Variants in TMEM209 observed in about 807,000 individuals in gnomAD.
The protein encoded by TMEM209 is testicular tissue protein Li 202.
TMEM209 carries 65 observed loss-of-function variants against 76.2 expected under a neutral mutation model. The observed-to-expected ratio is 0.85, with a 90% confidence interval of 0.70 to 1.05. The LOEUF (loss-of-function observed/expected upper bound fraction) is 1.05, where lower values mean the gene tolerates loss of function less well. Among genes scored for constraint, TMEM209 ranks in the 50% least tolerant of loss-of-function variants. The pLI is 0.00. For missense variants in TMEM209, 623 were observed against 685.5 expected, an observed-to-expected ratio of 0.91 and a Z score of 1.02; for synonymous variants, 239 against 237.6, an observed-to-expected ratio of 1.01 and a Z score of -0.06.
At position 130,192,713 on chromosome 7, in the gene TMEM209, T is replaced by C; in HGVS notation, c.684A>G (p.Ser228=). 6.2e-7 allele frequency: 1 copy of C among 1,613,818 alleles called. No homozygotes were observed. Among genetic ancestry groups the C allele is most frequent in the Non-Finnish European group, 8.5e-7 (1 of 1,179,774 alleles). ...RYRSSPTVYN[S]PTDKEDYMTD... ...TCATGTAGTCTTCTTTGTCAGTAGGTGAGTTGTAGACGGTAGGTGAAGAAC... is the reference window on the plus strand; with the variant it reads ...TCATGTAGTCTTCTTTGTCAGTAGGCGAGTTGTAGACGGTAGGTGAAGAAC... The change falls in exon 6 of 15, where the codon TCA becomes TCG. Residue 228 remains serine, a synonymous_variant. Coordinates refer to ENST00000397622, the MANE Select transcript of TMEM209 (RefSeq NM_032842.4).
chr7:130,199,467 G>GC (rs1204804592), intron 5 of TMEM209, among the ~76,000 whole-genome samples: 1 of 152,106 alleles, frequency 6.6e-6, no homozygotes, highest in Non-Finnish European at 1.5e-5. Context: ...TGACCCGCCT[G>GC]CCTCGGCCTC....
intron 13 of TMEM209, among the ~76,000 whole-genome samples, chr7:130,172,726 T>C (rs1334187157): frequency 1.3e-5 from 2 of 152,068 alleles, no homozygotes; most frequent in African/African-American, 2.4e-5. Flanking sequence ...AGGCCGGGCA[T>C]GGTGGCTTAT....
chr7:130,195,759 T>A (rs1459495825), intron 5 of TMEM209, among the ~76,000 whole-genome samples: 2 of 152,148 alleles, frequency 1.3e-5, no homozygotes, highest in African/African-American at 4.8e-5. Context: ...AACTATTTTG[T>A]GCTTTAAGTT....
rs4731668 is a variant in TMEM209 at position 130,185,375 on chromosome 7, T to C, written c.776-8A>G. On this transcript the variant is annotated splice_polypyrimidine_tract_variant and splice_region_variant and intron_variant, in intron 6 of 14. Transcript: ENST00000397622. ...AGGTAGAATCTGGGCTCCCTACAAT[T>C]GTTAAGATAAACAGTATCAGTGTGT... 0.22 allele frequency: 351,733 copies of C among 1,611,314 alleles called. 41,219 individuals carry two copies. Among genetic ancestry groups the C allele is most frequent in the Non-Finnish European group, 0.24 (285,642 of 1,177,928 alleles).
In TMEM209 at chr7:130,170,483, A is replaced by G; in HGVS notation, c.1558-10T>C. The G allele has an allele frequency of 6.2e-7, 1 of 1,603,550 alleles. No individual in the cohort carries two copies. Among genetic ancestry groups the G allele is most frequent in the Non-Finnish European group, 8.5e-7 (1 of 1,173,790 alleles). On this transcript the variant is annotated splice_polypyrimidine_tract_variant and intron_variant, in intron 13 of 14. Transcript: ENST00000397622. ...ACATATTATTTCTGCCCTGGAACAA[A>G]GACAAAAAAGACAAGATTTAAACCA...
intron 10 of TMEM209, among the ~76,000 whole-genome samples, chr7:130,177,928 A>T (rs975975446): frequency 6.6e-6 from 1 of 152,220 alleles, no homozygotes; most frequent in Non-Finnish European, 1.5e-5. Context: ...TAAAAAGTTT[A>T]TCCAAATTTT....
At chr7:130,191,679 A>G (rs925188557) in intron 6 of TMEM209, among the ~76,000 whole-genome samples, 2 of 152,226 alleles carry the variant, frequency 1.3e-5, no homozygotes, top group Non-Finnish European at 2.9e-5. Flanking sequence ...AGCAACACCA[A>G]TAACACTTCC....
In TMEM209 at chr7:130,185,349, G is replaced by C; in HGVS notation, c.794C>G (p.Ser265Cys). The C allele has an allele frequency of 6.2e-7, 1 of 1,613,762 alleles. No individual in the cohort carries two copies. Among genetic ancestry groups the C allele is most frequent in the Non-Finnish European group, 8.5e-7 (1 of 1,179,736 alleles). The stretch of plus-strand genomic sequence containing the variant: ...CCAGAAAGTAGGACTGCTGGAAGGA[G>C]AGGTAGAATCTGGGCTCCCTACAAT... ...RVKLGSPDST[S>C]PSSSPTFWNY... The change falls in exon 7 of 15, where the codon TCT becomes TGT. Residue 265 changes from serine (S) to cysteine (C), a missense_variant. Coordinates refer to ENST00000397622, the MANE Select transcript of TMEM209 (RefSeq NM_032842.4).
intron 6 of TMEM209, among the ~76,000 whole-genome samples, chr7:130,189,075 T>C (rs953752333): frequency 1.3e-5 from 2 of 152,180 alleles, no homozygotes; most frequent in African/African-American, 4.8e-5. Flanking sequence ...GATACCTGAT[T>C]GGATCCTGCA....
chr7:130,184,413 A>G (rs998978789), intron 7 of TMEM209, among the ~76,000 whole-genome samples, 158 bp from the exon 8 acceptor site: 2 of 152,046 alleles, frequency 1.3e-5, no homozygotes, highest in African/African-American at 2.4e-5. Flanking sequence ...TTTTCTTATT[A>G]CTCACTTATA....
chr7:130,180,097 T>C (rs951579488), intron 9 of TMEM209, among the ~76,000 whole-genome samples: 3 of 152,214 alleles, frequency 2.0e-5, no homozygotes. Context: ...CGTAGCATTA[T>C]TGGTAAAGGT....
chr7:130,184,460 C>T (rs1417164297), intron 7 of TMEM209, among the ~76,000 whole-genome samples: 1 of 151,122 alleles, frequency 6.6e-6, no homozygotes, highest in Non-Finnish European at 1.5e-5. Flanking sequence ...TTAAAAGTTC[C>T]TTACATTGGT....
intron 5 of TMEM209, among the ~76,000 whole-genome samples, chr7:130,201,129 TG>T (rs1307142993): frequency 7.3e-6 from 1 of 136,074 alleles, no homozygotes; most frequent in East Asian, 2.1e-4. Context: ...AATATGTAAA[TG>T]GATAAGGGCA....
rs76324124 is a variant in TMEM209, at chr7:130,205,144, C to T, written c.3+229G>A. 6.9e-5 allele frequency: 100 copies of T among 1,457,336 alleles called. No individual in the cohort carries two copies. In the East Asian group the frequency reaches 2.1e-3, roughly 30 times the overall value. The allele number at this position is 1,457,336 out of a possible 1,614,324, so 90.3% of individuals were successfully genotyped here. A position where few individuals can be genotyped will look rare whatever the true frequency, so the allele number is the denominator to read the frequency against. On this transcript the variant is annotated intron_variant, in intron 1 of 14. Transcript: ENST00000397622. Reference sequence around the variant, plus strand: ...CCACAGAGGACAGAGCAATAGCTTTCGCGCCACTCAGCCCCCGCGTCCCAA... The same window carrying T: ...CCACAGAGGACAGAGCAATAGCTTTTGCGCCACTCAGCCCCCGCGTCCCAA...
chr7:130,170,830 AT>A (rs1283185907), intron 13 of TMEM209, among the ~76,000 whole-genome samples: 537 of 142,148 alleles, frequency 3.8e-3, no homozygotes, highest in Admixed American at 4.8e-3. Context: ...TGAGGGAAAG[AT>A]TTTTTTTTTT....
intron 5 of TMEM209, among the ~76,000 whole-genome samples, chr7:130,198,594 A>G (rs1798076853): frequency 6.6e-6 from 1 of 152,158 alleles, no homozygotes. Context: ...CTGGGTGATA[A>G]GAGTGAAACT....
intron 6 of TMEM209, among the ~76,000 whole-genome samples, chr7:130,188,789 G>A (rs921217957): frequency 4.0e-5 from 6 of 151,802 alleles, no homozygotes; most frequent in Non-Finnish European, 8.8e-5. Flanking sequence ...ATATATTACC[G>A]ACAAAGAGAC....
At chr7:130,195,633 A>G (rs1265432925) in intron 5 of TMEM209, among the ~76,000 whole-genome samples, 2 of 43,172 alleles carry the variant, frequency 4.6e-5, no homozygotes, top group Non-Finnish European at 1.1e-4. Context: ...GTTATTTGGA[A>G]AAAAAAAAAA....
At chr7:130,186,496 C>T (rs574031543) in intron 6 of TMEM209, among the ~76,000 whole-genome samples, 57 of 152,060 alleles carry the variant, frequency 3.7e-4, no homozygotes, top group Admixed American at 9.2e-4. Context: ...AGTTGTCAAC[C>T]AACATAAATG....
Sources: allele counts gnomAD v4.1 joint callset (sites outside exome capture counted in the v4.1 genomes callset), GRCh38; gene constraint gnomAD v4.1.1; transcripts MANE v1.5; gene names NCBI Gene and HGNC (gene_info 2026-07-23, HGNC 2026-07-21).